EXOC6: variants seen among roughly 807,000 people sequenced by gnomAD.
EXOC6 encodes the protein SEC15-like 1.
EXOC6 carries 60 observed loss-of-function variants against 112.5 expected under a neutral mutation model. The observed-to-expected ratio is 0.53, with a 90% CI of 0.43 to 0.66. The LOEUF is 0.66. EXOC6 is among the 30% of genes least tolerant of loss of function. EXOC6 has a pLI of 0.00. For missense variants in EXOC6, 855 were observed against 957.1 expected (o/e 0.89, Z 1.41); for synonymous variants, 295 against 308.0 (o/e 0.96, Z 0.44).
chr10:93,015,758 TGTG>T (rs1844482428), intron 20 of EXOC6, among the ~76,000 whole-genome samples: 1 of 151,766 alleles, frequency 6.6e-6, no homozygotes, highest in South Asian at 2.1e-4. Context: ...CAATGAGTCG[TGTG>T]GAAATAATTG....
chr10:92,925,370 C>T (rs575093242), intron 8 of EXOC6, among the ~76,000 whole-genome samples: 13 of 152,146 alleles, frequency 8.5e-5, no homozygotes, highest in African/African-American at 2.6e-4. Context: ...TCTTGGCTCA[C>T]TGCAACCTCT....
chr10:93,029,317 T>G (rs1283042493), intron 20 of EXOC6, among the ~76,000 whole-genome samples: 1 of 152,250 alleles, frequency 6.6e-6, no homozygotes, highest in Non-Finnish European at 1.5e-5. Context: ...ATTGTGATAA[T>G]CATTTTATTG....
intron 17 of EXOC6, among the ~76,000 whole-genome samples, chr10:92,957,525 T>C (rs958097071): frequency 6.6e-6 from 1 of 152,212 alleles, no homozygotes; most frequent in Non-Finnish European, 1.5e-5. Context: ...TATCATTGCA[T>C]ACTCCTTGGT....
At chr10:92,878,473 G>A (rs1036161492) in intron 1 of EXOC6, among the ~76,000 whole-genome samples, 2 of 152,066 alleles carry the variant, frequency 1.3e-5, no homozygotes, top group African/African-American at 4.8e-5. Context: ...CATGCCCAGT[G>A]CCCTCCTTAC....
chr10:92,884,022 G>A (rs538571842), intron 1 of EXOC6, among the ~76,000 whole-genome samples: 4 of 152,040 alleles, frequency 2.6e-5, no homozygotes, highest in South Asian at 4.2e-4. Flanking sequence ...TCAGCCTCCC[G>A]AATAGCTGGG....
At chr10:92,943,251 C>G (rs568052358) in intron 13 of EXOC6, among the ~76,000 whole-genome samples, 3 of 152,250 alleles carry the variant, frequency 2.0e-5, no homozygotes, top group Admixed American at 2.0e-4. Context: ...ATCTCCTGAC[C>G]TTGTGATGTA....
chr10:92,918,281 G>A (rs1189371960), intron 7 of EXOC6, among the ~76,000 whole-genome samples: 1 of 151,876 alleles, frequency 6.6e-6, no homozygotes, highest in East Asian at 1.9e-4. Context: ...GTTTTGCCTT[G>A]CCAATGAGAT....
intron 4 of EXOC6, among the ~76,000 whole-genome samples, chr10:92,897,240 T>G (rs997434077): frequency 2.6e-5 from 4 of 152,206 alleles, no homozygotes; most frequent in Non-Finnish European, 5.9e-5. Flanking sequence ...TGCTACTGTC[T>G]TCGTTTTTAA....
At chr10:92,974,880 C>T (rs1289790296) in intron 18 of EXOC6, among the ~76,000 whole-genome samples, 1 of 152,210 alleles carries the variant, frequency 6.6e-6, no homozygotes, top group Non-Finnish European at 1.5e-5. Flanking sequence ...CAATGGTGCC[C>T]AGGCTGGAGT....
intron 1 of EXOC6, among the ~76,000 whole-genome samples, chr10:92,854,599 C>T (rs780479349): frequency 3.3e-5 from 5 of 152,098 alleles, no homozygotes; most frequent in Admixed American, 2.0e-4. Context: ...ATGCTTTTTT[C>T]TGTATCTATT....
chr10:92,981,913 C>T lies in EXOC6; in HGVS notation c.1953+7681C>T, dbSNP rs1276189781. Among the ~76,000 whole-genome samples the T allele has an allele frequency of 2.6e-5, 4 of 152,184 alleles. No homozygotes were observed. In the South Asian group the frequency reaches 6.2e-4, roughly 24 times the overall value. On this transcript the variant is annotated intron_variant, in intron 18 of 21. Transcript: ENST00000260762. ...TGGGCAGATCATGAGGTCAGGAGTT[C>T]GAGACCAGCCTGACCAACATGGTGA...
chr10:93,030,803 A>T (rs1845236221), intron 20 of EXOC6, among the ~76,000 whole-genome samples: 1 of 152,178 alleles, frequency 6.6e-6, no homozygotes, highest in Non-Finnish European at 1.5e-5. Context: ...AATGATCAAG[A>T]TAGGTTCTGT....
intron 13 of EXOC6, among the ~76,000 whole-genome samples, chr10:92,946,984 A>G (rs1191359035): frequency 3.3e-5 from 5 of 152,300 alleles, no homozygotes; most frequent in South Asian, 4.1e-4. Context: ...TTGTGTATCT[A>G]TCTCTCCTAT....
upstream of EXOC6, among the ~76,000 whole-genome samples, chr10:92,832,388 C>T (rs961390266): frequency 1.3e-5 from 2 of 152,032 alleles, no homozygotes; most frequent in Non-Finnish European, 2.9e-5. Flanking sequence ...AGCGATTCGC[C>T]TGCCTCAGGC....
chr10:92,956,520 A>G (rs2134022879), intron 17 of EXOC6, among the ~76,000 whole-genome samples: 1 of 152,286 alleles, frequency 6.6e-6, no homozygotes, highest in East Asian at 1.9e-4. Context: ...GTGTTTTAAA[A>G]TAACTAATTT....
chr10:92,845,969 G>A (rs1453569035), upstream of EXOC6, among the ~76,000 whole-genome samples: 4 of 152,246 alleles, frequency 2.6e-5, no homozygotes, highest in Non-Finnish European at 5.9e-5. Flanking sequence ...CAAAACAAAT[G>A]TGCAATTAGT....
chr10:92,838,978 C>T (rs1033381918), intron 1 of EXOC6, among the ~76,000 whole-genome samples: 1 of 151,878 alleles, frequency 6.6e-6, no homozygotes, highest in African/African-American at 2.4e-5. Flanking sequence ...GAGGCTGAAG[C>T]GGGAGAATCA....
intron 19 of EXOC6, among the ~76,000 whole-genome samples, chr10:93,003,899 A>G (rs914201854): frequency 2.0e-5 from 3 of 152,174 alleles, no homozygotes; most frequent in African/African-American, 7.2e-5. Context: ...GAGACAGACA[A>G]AAGCACTGTG....
chr10:92,891,259 A>C (rs945215069), intron 1 of EXOC6, among the ~76,000 whole-genome samples: 10 of 152,140 alleles, frequency 6.6e-5, no homozygotes, highest in African/African-American at 2.4e-4. Context: ...TATGAGTTTG[A>C]GGAGAGGTCA....
Sources: allele counts gnomAD v4.1 joint callset (sites outside exome capture counted in the v4.1 genomes callset), GRCh38; gene constraint gnomAD v4.1.1; transcripts MANE v1.5; gene names NCBI Gene and HGNC (gene_info 2026-07-23, HGNC 2026-07-21).